MRPS28: variants seen among roughly 807,000 people sequenced by gnomAD.
MRPS28 encodes the protein small ribosomal subunit protein bS1m.
A neutral mutation model predicts 10.8 loss-of-function variants in MRPS28; 7 were observed. The ratio of observed to expected loss-of-function variants is 0.65; its 90% confidence interval spans 0.37 to 1.22. MRPS28 has a LOEUF of 1.22. Among genes scored for constraint, MRPS28 ranks in the 50% most tolerant of loss-of-function variants. The pLI is 0.02. For missense variants in MRPS28, 265 were observed against 232.9 expected (o/e 1.14, Z -0.90); for synonymous variants, 121 against 93.3 (o/e 1.30, Z -1.71).
intron 2 of MRPS28, among the ~76,000 whole-genome samples, chr8:79,959,680 C>A (rs1807324141): frequency 6.6e-6 from 1 of 151,904 alleles, no homozygotes; most frequent in Non-Finnish European, 1.5e-5. Flanking sequence ...AAATTTTAGT[C>A]CTAAAAAACT....
At chr8:79,920,388 C>A (rs1810057487) in intron 2 of MRPS28, among the ~76,000 whole-genome samples, 1 of 152,138 alleles carries the variant, frequency 6.6e-6, no homozygotes, top group Non-Finnish European at 1.5e-5. Context: ...AATGGTTGAA[C>A]TAGTTTACAG....
At chr8:79,988,727 C>T (rs1347973299) in intron 2 of MRPS28, among the ~76,000 whole-genome samples, 9 of 152,096 alleles carry the variant, frequency 5.9e-5, no homozygotes, top group Admixed American at 5.9e-4. Flanking sequence ...CCTTTTTGAA[C>T]AATTCTGTTC....
Position 80,003,058 on chromosome 8 carries a change from C to T in MRPS28, c.336G>A (p.Leu112=). ...GAAACTTTCCACCAAAATCTATGTA[C>T]AGATCATTCTCCACAATATGAAAGA... The part of the protein sequence containing the change: ...GRIFHIVEND[L]YIDFGGKFHC... Residue 112 remains leucine (L), a synonymous_variant, in exon 2 of 3, where the codon CTG becomes CTA. Transcript: ENST00000276585. The T allele has an allele frequency of 1.9e-6, 3 of 1,612,832 alleles. No individual in the cohort carries two copies. Among genetic ancestry groups the T allele is most frequent in the Non-Finnish European group, 2.5e-6 (3 of 1,179,638 alleles).
intron 2 of MRPS28, among the ~76,000 whole-genome samples, chr8:79,984,148 C>T (rs1249660571): frequency 2.0e-5 from 3 of 152,096 alleles, no homozygotes; most frequent in African/African-American, 4.8e-5. Context: ...GAATTTTCAA[C>T]CCAGAAGTTC....
At chr8:79,925,379 A>G (rs1402572410) in intron 2 of MRPS28, among the ~76,000 whole-genome samples, 1 of 152,216 alleles carries the variant, frequency 6.6e-6, no homozygotes, top group South Asian at 2.1e-4. Flanking sequence ...CTGTTCATAT[A>G]CCAAAACACA....
intron 1 of MRPS28, among the ~76,000 whole-genome samples, chr8:80,021,631 G>C (rs1018362017): frequency 6.6e-6 from 1 of 152,104 alleles, no homozygotes; most frequent in Non-Finnish European, 1.5e-5. Flanking sequence ...ACTATTCTTG[G>C]ATTTTTCTGG....
intron 1 of MRPS28, among the ~76,000 whole-genome samples, chr8:80,009,286 G>A (rs919833882): frequency 8.5e-5 from 13 of 152,118 alleles, no homozygotes; most frequent in African/African-American, 3.1e-4. Context: ...TGGGGTGGGG[G>A]CAGAGGGGAG....
intron 1 of MRPS28, 114 bp downstream of exon 1, chr8:80,029,922 G>A (rs1019101136): frequency 3.1e-5 from 48 of 1,536,084 alleles, no homozygotes; most frequent in Non-Finnish European, 3.8e-5. Context: ...CCGGAAAACT[G>A]GGCCCCGGAC....
At chr8:79,994,062 G>C (rs79504692) in intron 2 of MRPS28, among the ~76,000 whole-genome samples, 2,630 of 152,214 alleles carry the variant, frequency 0.017, 73 homozygotes, top group African/African-American at 0.058. Flanking sequence ...AGCCAGCATA[G>C]AGACAATGCT....
intron 1 of MRPS28, among the ~76,000 whole-genome samples, chr8:80,021,209 G>T: frequency 6.6e-6 from 1 of 152,112 alleles, no homozygotes; most frequent in Admixed American, 6.6e-5. Flanking sequence ...CACCATGTTG[G>T]TCAGGATGGT....
rs140389085 is a variant in MRPS28, at chr8:80,026,257, C to T, written c.213+3779G>A. Among the ~76,000 whole-genome samples, 400 of 152,350 alleles carry T rather than the reference C, an allele frequency of 2.6e-3. 7 individuals carry two copies. The highest frequency in any genetic ancestry group is 9.1e-3 in the African/African-American group (380 of 41,580). On this transcript the variant is annotated intron_variant, in intron 1 of 2. Transcript: ENST00000276585. ...TTGAATTCCTATCAATACCCAACAA[C>T]TCCTCATATTCCTTACCATAAATAT...
intron 2 of MRPS28, among the ~76,000 whole-genome samples, chr8:79,930,846 T>A (rs921941784): frequency 1.3e-5 from 2 of 152,206 alleles, no homozygotes; most frequent in African/African-American, 4.8e-5. Context: ...CAAATATCTT[T>A]GAAATAAAAT....
intron 1 of MRPS28, among the ~76,000 whole-genome samples, chr8:80,025,466 T>C (rs1809471311): frequency 6.6e-6 from 1 of 152,044 alleles, no homozygotes; most frequent in South Asian, 2.1e-4. Flanking sequence ...ACGCAAAAAA[T>C]GCAAATGTTC....
chr8:80,012,112 A>G (rs114378762), intron 1 of MRPS28, among the ~76,000 whole-genome samples: 2,402 of 88,374 alleles, frequency 0.027, 62 homozygotes, highest in African/African-American at 0.12. Context: ...AAGTGGAAGT[A>G]GAACATTTCT....
intron 2 of MRPS28, among the ~76,000 whole-genome samples, chr8:79,931,756 G>T (rs906403255): frequency 6.6e-6 from 1 of 152,232 alleles, no homozygotes; most frequent in Admixed American, 6.5e-5. Context: ...AGGTTTACTG[G>T]AGCTGACTAA....
chr8:79,970,513 T>C (rs1286291564), intron 2 of MRPS28, among the ~76,000 whole-genome samples: 2 of 152,190 alleles, frequency 1.3e-5, no homozygotes, highest in African/African-American at 2.4e-5. Flanking sequence ...GTTTTGCTCA[T>C]CTAAATTCTG....
At chr8:79,972,884 T>C (rs1204054347) in intron 2 of MRPS28, among the ~76,000 whole-genome samples, 1 of 152,136 alleles carries the variant, frequency 6.6e-6, no homozygotes, top group African/African-American at 2.4e-5. Context: ...ACATTCAAAA[T>C]ATTGGGAGAT....
intron 1 of MRPS28, among the ~76,000 whole-genome samples, chr8:80,029,068 T>C (rs191825429): frequency 4.6e-5 from 7 of 152,284 alleles, no homozygotes; most frequent in Non-Finnish European, 7.4e-5. Flanking sequence ...AGAACACAAC[T>C]TCACCAACAC....
At chr8:79,949,490 T>C (rs1170547410) in intron 2 of MRPS28, among the ~76,000 whole-genome samples, 1 of 151,222 alleles carries the variant, frequency 6.6e-6, no homozygotes, top group Non-Finnish European at 1.5e-5. Flanking sequence ...TAATAAAATA[T>C]AATGGTGGGT....
Sources: gnomAD v4.1 joint callset for allele counts (sites outside exome capture counted in the v4.1 genomes callset) on GRCh38, gnomAD v4.1.1 for gene constraint, MANE v1.5 for transcripts, NCBI Gene and HGNC (gene_info 2026-07-23, HGNC 2026-07-21) for gene names.